SORCS1: variants seen among roughly 807,000 people sequenced by gnomAD.
SORCS1 encodes the protein VPS10 domain-containing receptor SorCS1.
A neutral mutation model predicts 146.1 loss-of-function variants in SORCS1; 60 were observed. That is an observed-to-expected ratio of 0.41 (90% confidence interval 0.33 to 0.51). The LOEUF (loss-of-function observed/expected upper bound fraction) is 0.51, where lower values mean the gene tolerates loss of function less well. Among genes scored for constraint, SORCS1 ranks in the 20% least tolerant of loss-of-function variants. The probability of loss-of-function intolerance (pLI) is 0.21; values close to 1 mark genes in which losing one functional copy is unlikely to be tolerated. For synonymous variants in SORCS1, 637 were observed against 584.0 expected (o/e 1.09, Z -1.31); for missense variants, 1,352 against 1,487.6 (o/e 0.91, Z 1.50).
At chr10:107,106,142 A>C (rs1031485989) in intron 1 of SORCS1, among the ~76,000 whole-genome samples, 2 of 152,192 alleles carry the variant, frequency 1.3e-5, no homozygotes, top group Non-Finnish European at 2.9e-5. Flanking sequence ...CTCCTTGTCA[A>C]ATATTCTCAA....
intron 1 of SORCS1, among the ~76,000 whole-genome samples, chr10:107,094,374 A>G (rs1964410176): frequency 6.6e-6 from 1 of 152,222 alleles, no homozygotes; most frequent in Non-Finnish European, 1.5e-5. Flanking sequence ...ACTCCAATTT[A>G]TTATTGCAGT....
intron 1 of SORCS1, among the ~76,000 whole-genome samples, chr10:107,072,059 G>A (rs1476898002): frequency 6.6e-6 from 1 of 152,182 alleles, no homozygotes; most frequent in Non-Finnish European, 1.5e-5. Flanking sequence ...ACTGCAAACT[G>A]GATGCAGCTG....
chr10:106,819,893 C>T (rs998057289), intron 3 of SORCS1, among the ~76,000 whole-genome samples: 2 of 152,170 alleles, frequency 1.3e-5, no homozygotes, highest in African/African-American at 4.8e-5. Context: ...AAAATATTTA[C>T]AATTTTATTA....
intron 2 of SORCS1, among the ~76,000 whole-genome samples, chr10:106,955,727 C>T (rs1954906563): frequency 6.6e-6 from 1 of 152,182 alleles, no homozygotes; most frequent in Non-Finnish European, 1.5e-5. Context: ...TGGCTCATGC[C>T]TGTAATCCCA....
intron 3 of SORCS1, among the ~76,000 whole-genome samples, chr10:106,791,392 T>G (rs191945190): frequency 2.8e-3 from 429 of 152,306 alleles, no homozygotes; most frequent in Non-Finnish European, 5.3e-3. Context: ...GTAGTGAAAT[T>G]TATGGATAAA....
At chr10:107,175,884 G>A in the SORCS1 span, among the ~76,000 whole-genome samples, 1 of 151,952 alleles carries the variant, frequency 6.6e-6, no homozygotes, top group Non-Finnish European at 1.5e-5. Context: ...CTATATTAAT[G>A]TCCTCTTCTT....
intron 1 of SORCS1, among the ~76,000 whole-genome samples, chr10:106,967,834 A>C (rs981721650): frequency 5.3e-5 from 8 of 152,090 alleles, no homozygotes; most frequent in African/African-American, 1.9e-4. Flanking sequence ...AATGCACAGA[A>C]TTCTCAGTTT....
chr10:106,686,352 C>T (rs886516351), intron 10 of SORCS1, among the ~76,000 whole-genome samples: 2 of 152,162 alleles, frequency 1.3e-5, no homozygotes, highest in African/African-American at 4.8e-5. Flanking sequence ...TGCTTAAAAG[C>T]CATTTTTAAT....
intron 3 of SORCS1, among the ~76,000 whole-genome samples, chr10:106,797,819 G>A (rs1946647703): frequency 6.6e-6 from 1 of 152,004 alleles, no homozygotes; most frequent in Admixed American, 6.6e-5. Flanking sequence ...CAGGGAGCAG[G>A]GCAACCCCAG....
chr10:106,688,997 T>C (rs750504446), intron 9 of SORCS1, among the ~76,000 whole-genome samples: 1 of 152,332 alleles, frequency 6.6e-6, no homozygotes, highest in African/African-American at 2.4e-5. Flanking sequence ...CTATGTAAGA[T>C]CTCTCTGTTA....
intron 1 of SORCS1, among the ~76,000 whole-genome samples, chr10:106,997,792 G>A (rs915864927): frequency 1.3e-5 from 2 of 152,116 alleles, no homozygotes; most frequent in East Asian, 1.9e-4. Context: ...CTTCTCCTTG[G>A]TGAACCACTT....
chr10:107,135,543 T>G (rs948061019), intron 1 of SORCS1, among the ~76,000 whole-genome samples: 3 of 152,202 alleles, frequency 2.0e-5, no homozygotes, highest in Non-Finnish European at 2.9e-5. Flanking sequence ...TTGATCAAAC[T>G]ATCCTCCTTA....
intron 1 of SORCS1, among the ~76,000 whole-genome samples, chr10:107,092,567 C>A (rs1292848192): frequency 6.6e-6 from 1 of 152,196 alleles, no homozygotes; most frequent in African/African-American, 2.4e-5. Flanking sequence ...CAGTCAGATG[C>A]TGGGCTCCTT....
intron 1 of SORCS1, among the ~76,000 whole-genome samples, chr10:107,147,489 T>G (rs1480906514): frequency 1.3e-5 from 2 of 152,188 alleles, no homozygotes; most frequent in Non-Finnish European, 2.9e-5. Flanking sequence ...AATCTACGCT[T>G]CTTTCTCTCT....
chr10:107,090,189 T>C (rs755790725), intron 1 of SORCS1, among the ~76,000 whole-genome samples: 1 of 152,212 alleles, frequency 6.6e-6, no homozygotes, highest in Non-Finnish European at 1.5e-5. Flanking sequence ...GCAGGAACAC[T>C]GCGAGCACTT....
At chr10:106,722,146 CACAT>C (rs1349395417) in intron 6 of SORCS1, among the ~76,000 whole-genome samples, 3 of 151,296 alleles carry the variant, frequency 2.0e-5, no homozygotes, top group Admixed American at 6.6e-5. Flanking sequence ...CACACACACA[CACAT>C]ATATATATAA....
chr10:106,747,029 C>T (rs1055317800), intron 5 of SORCS1, among the ~76,000 whole-genome samples: 2 of 152,210 alleles, frequency 1.3e-5, no homozygotes, highest in African/African-American at 4.8e-5. Flanking sequence ...CTGTTCAGCA[C>T]ATGATAATGG....
At chr10:106,623,613 C>T (rs1228858938) in intron 19 of SORCS1, among the ~76,000 whole-genome samples, 1 of 151,948 alleles carries the variant, frequency 6.6e-6, no homozygotes, top group South Asian at 2.1e-4. Context: ...ATGAAAAATT[C>T]GAATCTTGTT....
At chr10:106,812,733 G>A (rs1001953865) in intron 3 of SORCS1, among the ~76,000 whole-genome samples, 2 of 152,126 alleles carry the variant, frequency 1.3e-5, no homozygotes, top group Non-Finnish European at 2.9e-5. Context: ...TATATTAATA[G>A]CTATTTATAC....
Sources: gnomAD v4.1 joint callset for allele counts (sites outside exome capture counted in the v4.1 genomes callset) on GRCh38, gnomAD v4.1.1 for gene constraint, MANE v1.5 for transcripts, NCBI Gene and HGNC (gene_info 2026-07-23, HGNC 2026-07-21) for gene names.